The following SOX5 variants were observed in gnomAD, a reference collection of about 807,000 sequenced individuals.
SOX5 encodes the protein SRY-box transcription factor 5.
In SOX5, 9 loss-of-function variants were observed where a neutral mutation model predicts 92.0. That is an observed-to-expected ratio of 0.10 (90% CI 0.06 to 0.17). The LOEUF (loss-of-function observed/expected upper bound fraction) is 0.17. SOX5 is among the 10% of genes least tolerant of loss of function. SOX5 has a pLI of 1.00. For synonymous variants in SOX5, 344 were observed against 336.3 expected (o/e 1.02, Z -0.25); for missense variants, 642 against 944.5 (o/e 0.68, Z 4.20).
intron 1 of SOX5, among the ~76,000 whole-genome samples, chr12:24,507,696 C>T (rs771180634): frequency 2.6e-5 from 4 of 151,838 alleles, no homozygotes; most frequent in Non-Finnish European, 2.9e-5. Flanking sequence ...TTGTTATGTA[C>T]GAAAATGTCC....
chr12:23,755,557 AAATACTTT>A (rs2094339876), intron 4 of SOX5, 73 bp downstream of exon 4: 3 of 1,030,104 alleles, frequency 2.9e-6, no homozygotes, highest in Non-Finnish European at 4.4e-6. Context: ...GTGAGGGCAG[AAATACTTT>A]ATCACCATTA....
At position 23,867,150 on chromosome 12, in the gene SOX5, T is replaced by G. The variant is rs915256771; in HGVS notation, c.271-20957A>C. Among the ~76,000 whole-genome samples the G allele has an allele frequency of 1.9e-4, 29 of 152,112 alleles. 1 individual carries two copies. The highest frequency in any genetic ancestry group is 7.4e-5 in the Non-Finnish European group (5 of 68,000). The stretch of plus-strand genomic sequence containing the variant: ...AATTAATGACTCTTGAAATTTACAA[T>G]TTCAAATCTCATCTCATATACACAG... On this transcript the variant is annotated intron_variant, in intron 2 of 14. Transcript: ENST00000451604.
intron 1 of SOX5, among the ~76,000 whole-genome samples, chr12:23,905,490 C>T (rs1197522590): frequency 1.3e-5 from 2 of 152,098 alleles, no homozygotes; most frequent in African/African-American, 4.8e-5. Flanking sequence ...AGTATATCTG[C>T]CAGTTAAAAT....
At chr12:24,027,583 G>A (rs367654215) in intron 4 of SOX5, among the ~76,000 whole-genome samples, 2 of 151,908 alleles carry the variant, frequency 1.3e-5, no homozygotes, top group East Asian at 3.9e-4. Context: ...AGAGTAGTGG[G>A]ATGGTAACTC....
intron 4 of SOX5, among the ~76,000 whole-genome samples, chr12:24,145,242 A>T (rs571953782): frequency 1.4e-4 from 22 of 152,336 alleles, no homozygotes; most frequent in African/African-American, 4.8e-4. Flanking sequence ...GTAATTATAA[A>T]AAAATTAAAT....
intron 4 of SOX5, among the ~76,000 whole-genome samples, chr12:24,206,547 C>A (rs901327006): frequency 6.6e-6 from 1 of 152,130 alleles, no homozygotes; most frequent in Admixed American, 6.5e-5. Context: ...ATTACGCTTA[C>A]GGAACCAAAG....
chr12:23,681,689 G>A (rs2086651082), intron 6 of SOX5, among the ~76,000 whole-genome samples: 2 of 151,642 alleles, frequency 1.3e-5, no homozygotes, highest in South Asian at 4.1e-4. Context: ...GAATTATTAT[G>A]TCTTTCTGTT....
intron 14 of SOX5, among the ~76,000 whole-genome samples, chr12:23,534,791 C>T (rs1054401398): frequency 2.0e-5 from 3 of 150,626 alleles, no homozygotes; most frequent in African/African-American, 7.3e-5. Flanking sequence ...CTCACTGCAA[C>T]CTCCCCCTCC....
intron 4 of SOX5, among the ~76,000 whole-genome samples, chr12:24,120,820 G>T (rs7139049): frequency 0.65 from 98,134 of 152,068 alleles, 31,958 homozygotes; most frequent in East Asian, 0.7. Flanking sequence ...TTTATCCACC[G>T]TTTTTGGATA....
intron 3 of SOX5, among the ~76,000 whole-genome samples, chr12:23,756,605 G>C (rs1002155593): frequency 1.3e-5 from 2 of 151,978 alleles, no homozygotes; most frequent in South Asian, 4.1e-4. Context: ...TTTCAATCCC[G>C]TGATTAGCGC....
At chr12:24,281,392 T>C (rs1945183122) in intron 2 of SOX5, among the ~76,000 whole-genome samples, 1 of 152,174 alleles carries the variant, frequency 6.6e-6, no homozygotes, top group Non-Finnish European at 1.5e-5. Context: ...TTCCCAGCAA[T>C]GTCCCTCAAC....
At chr12:24,267,649 TC>T (rs1421072126) in intron 3 of SOX5, among the ~76,000 whole-genome samples, 2 of 152,162 alleles carry the variant, frequency 1.3e-5, no homozygotes, top group South Asian at 4.1e-4. Flanking sequence ...CTTAAATTAT[TC>T]TTGTTAGGAC....
chr12:24,109,413 A>AG (rs1281954806), intron 4 of SOX5, among the ~76,000 whole-genome samples: 1 of 152,182 alleles, frequency 6.6e-6, no homozygotes, highest in Non-Finnish European at 1.5e-5. Flanking sequence ...TCTTTATCTA[A>AG]GTTTAAAGAA....
chr12:23,592,491 AAAAGATACT>A (rs1158685085), intron 9 of SOX5, among the ~76,000 whole-genome samples: 2 of 152,188 alleles, frequency 1.3e-5, no homozygotes, highest in African/African-American at 4.8e-5. Flanking sequence ...AAGAAGCATC[AAAAGATACT>A]ATCTACAAGG....
At chr12:23,951,017 GCTCTC>G, upstream of SOX5, 1 of 681,656 alleles carries the variant, frequency 1.5e-6, no homozygotes, top group Admixed American at 2.1e-5. Context: ...ACTCACGCAC[GCTCTC>G]CACTCCTACT....
chr12:23,990,666 G>A (rs1296981373), intron 4 of SOX5, among the ~76,000 whole-genome samples: 1 of 151,974 alleles, frequency 6.6e-6, no homozygotes, highest in Non-Finnish European at 1.5e-5. Flanking sequence ...TCTTCTACAT[G>A]TTTCTATTAT....
In SOX5 at chr12:23,541,347, A is replaced by G. The variant is rs1465704761; in HGVS notation, c.1771+1864T>C. On this transcript the variant is annotated intron_variant, in intron 13 of 14. Coordinates refer to ENST00000451604, the MANE Select transcript of SOX5 (RefSeq NM_006940.6). ...ATAAAGACAGTTTTGAAATCTTAGT[A>G]TTTAACTTGGTTTTTATTCTGACAA... is the stretch of plus-strand genomic sequence containing the variant. Among the ~76,000 whole-genome samples, 4 of 152,286 alleles carry G rather than the reference A, an allele frequency of 2.6e-5. No homozygotes were observed. In the East Asian group the frequency reaches 5.8e-4, roughly 22 times the overall value.
rs1566334331 is a variant in SOX5 at position 24,505,858 on chromosome 12, T to TGTGTGTGCGCGC, written c.-251+56470_-251+56471insGCGCGCACACAC. Reference sequence around the variant, plus strand: ...GTGTGTGTGTGTGTGTGTGTGCGTGTGTGTGTGTGTGTGTGCGCATCACTG... The same window carrying TGTGTGTGCGCGC: ...GTGTGTGTGTGTGTGTGTGTGCGTGTGTGTGTGCGCGCGTGTGTGTGTGTGTGCGCATCACTG... On this transcript the variant is annotated intron_variant, in intron 1 of 4. Coordinates refer to the SOX5 transcript ENST00000446891. 1.8e-3 allele frequency among the ~76,000 whole-genome samples: 130 copies of TGTGTGTGCGCGC among 71,182 alleles called. 1 individual carries two copies. The highest frequency in any genetic ancestry group is 6.8e-3 in the Middle Eastern group (1 of 146). The allele number at this position is 71,182 out of a possible 152,430, so 46.7% of individuals were successfully genotyped here.
intron 7 of SOX5, among the ~76,000 whole-genome samples, chr12:23,642,810 G>GACTAGGATGGTGACATGGGGAT (rs1555223747): frequency 1.4e-5 from 2 of 147,226 alleles, no homozygotes; most frequent in South Asian, 2.3e-4. Flanking sequence ...ATTATGGGCC[G>GACTAGGATGGTGACATGGGGAT]GGCGCGGTGG....
Sources: gnomAD v4.1 joint callset for allele counts (sites outside exome capture counted in the v4.1 genomes callset) on GRCh38, gnomAD v4.1.1 for gene constraint, MANE v1.5 for transcripts, NCBI Gene and HGNC (gene_info 2026-07-23, HGNC 2026-07-21) for gene names.